Variants in DNAH5 observed in about 807,000 individuals in gnomAD.
DNAH5 encodes axonemal beta dynein heavy chain 5.
In DNAH5, 372 loss-of-function variants were observed where a neutral mutation model predicts 518.2. The ratio of observed to expected loss-of-function variants is 0.72; its 90% CI spans 0.66 to 0.78. The LOEUF (loss-of-function observed/expected upper bound fraction) is 0.78. Among genes scored for constraint, DNAH5 ranks in the 30% least tolerant of loss-of-function variants. The probability of loss-of-function intolerance (pLI) is 0.00; values close to 1 mark genes in which losing one functional copy is unlikely to be tolerated. For missense variants in DNAH5, 5,523 were observed against 5,687.0 expected, an observed-to-expected ratio of 0.97 and a Z score of 0.93; for synonymous variants, 2,039 against 2,025.9, an observed-to-expected ratio of 1.01 and a Z score of -0.17.
At chr5:13,771,573 C>A (rs573387425) in intron 55 of DNAH5, among the ~76,000 whole-genome samples, 1 of 152,264 alleles carries the variant, frequency 6.6e-6, no homozygotes, top group Non-Finnish European at 1.5e-5. Flanking sequence ...ACCTTCCCCA[C>A]ATTGCCAAAT....
At chr5:13,884,069 T>C (rs1772039301) in intron 19 of DNAH5, among the ~76,000 whole-genome samples, 1 of 152,174 alleles carries the variant, frequency 6.6e-6, no homozygotes, top group Admixed American at 6.5e-5. Flanking sequence ...TGACAGATTT[T>C]TGTGGCCCAC....
intron 77 of DNAH5, 61 bp downstream of exon 77, chr5:13,701,223 G>A: frequency 1.9e-6 from 3 of 1,604,530 alleles, no homozygotes; most frequent in South Asian, 1.1e-5. Context: ...AAACTATAAT[G>A]ATGGAAAATC....
At chr5:13,931,396 T>C in intron 1 of DNAH5, 152 bp from the exon 2 acceptor site, 1 of 756,332 alleles carries the variant, frequency 1.3e-6, no homozygotes. Flanking sequence ...CTATCTTCTA[T>C]TTTTAGAAAT....
intron 3 of DNAH5, among the ~76,000 whole-genome samples, chr5:13,927,608 C>T (rs1350342385): frequency 6.6e-6 from 1 of 151,990 alleles, no homozygotes; most frequent in African/African-American, 2.4e-5. Flanking sequence ...TTATTTAAAG[C>T]AGAGTCAGTA....
Position 13,691,779 on chromosome 5 carries a change from C to T in DNAH5, c.*205G>A, listed in dbSNP as rs1740721830. ...AATTTACTTTTATATCACTAAATAA[C>T]ATTTTCAACAAACTCAGACATTGGT... On this transcript the variant is annotated 3_prime_UTR_variant, in exon 79 of 79. Coordinates refer to ENST00000265104, the MANE Select transcript of DNAH5 (RefSeq NM_001369.3). 6 of 619,610 alleles carry T rather than the reference C, an allele frequency of 9.7e-6. No homozygotes were observed. The highest frequency in any genetic ancestry group is 1.7e-5 in the Non-Finnish European group (6 of 360,912). 38.4% of individuals were successfully genotyped at this position (619,610 alleles called of 1,614,324 possible). A position where few individuals can be genotyped will look rare whatever the true frequency, so the allele number is the denominator to read the frequency against.
chr5:13,906,334 G>A (rs1453645549), intron 12 of DNAH5, among the ~76,000 whole-genome samples: 1 of 152,038 alleles, frequency 6.6e-6, no homozygotes, highest in East Asian at 1.9e-4. Flanking sequence ...TTCATAATGG[G>A]GGAGGCTATG....
At chr5:13,728,212 G>A (rs1746015791) in intron 69 of DNAH5, among the ~76,000 whole-genome samples, 1 of 152,100 alleles carries the variant, frequency 6.6e-6, no homozygotes, top group Non-Finnish European at 1.5e-5. Context: ...TTAGGCAACT[G>A]GGAAAGAGTA....
chr5:13,977,198 A>G (rs1352066820), intron 1 of DNAH5, among the ~76,000 whole-genome samples: 1 of 152,146 alleles, frequency 6.6e-6, no homozygotes, highest in Non-Finnish European at 1.5e-5. Context: ...TGTAATCAAT[A>G]TTTCCAGCAT....
intron 64 of DNAH5, among the ~76,000 whole-genome samples, chr5:13,751,688 G>A (rs999808995): frequency 3.9e-5 from 6 of 152,112 alleles, no homozygotes; most frequent in Non-Finnish European, 7.4e-5. Flanking sequence ...CCCAAAAACC[G>A]GCTTGAGAGA....
intron 60 of DNAH5, 129 bp from the exon 61 acceptor site, chr5:13,759,112 C>A: frequency 8.1e-7 from 1 of 1,239,544 alleles, no homozygotes; most frequent in Non-Finnish European, 1.2e-6. Flanking sequence ...AGAATCCTTT[C>A]AAATCACATT....
At position 13,718,978 on chromosome 5, in the gene DNAH5, G is replaced by A. The variant is rs1420356971; in HGVS notation, c.12403C>T (p.His4135Tyr). The change falls in exon 72 of 79, where the codon CAT (histidine) becomes TAT (tyrosine). Residue 4135 changes from histidine to tyrosine, a missense_variant. His to Tyr is a moderately conservative substitution (Grantham distance 83). Transcript: ENST00000265104. The part of the protein sequence containing the change: ...AFRLWMTTEA[H>Y]KQFPITLLQM... ...AGGAGTGTAATGGGAAACTGCTTATGAGCCTCGGTGGTCATCCAGAGGCGG... is the reference window on the plus strand; with the variant it reads ...AGGAGTGTAATGGGAAACTGCTTATAAGCCTCGGTGGTCATCCAGAGGCGG... The A allele has an allele frequency of 1.9e-6, 3 of 1,614,080 alleles. No individual in the cohort carries two copies. Among genetic ancestry groups the A allele is most frequent in the Non-Finnish European group, 2.5e-6 (3 of 1,180,004 alleles).
chr5:13,944,292 T>C (rs533585235), intron 1 of DNAH5, 90 bp downstream of exon 1: 2 of 1,294,296 alleles, frequency 1.5e-6, no homozygotes, highest in East Asian at 2.3e-5. Flanking sequence ...TGTGTGACTT[T>C]GAACCTTTTT....
intron 3 of DNAH5, among the ~76,000 whole-genome samples, chr5:13,925,010 G>A (rs1777717362): frequency 6.6e-6 from 1 of 152,184 alleles, no homozygotes; most frequent in South Asian, 2.1e-4. Flanking sequence ...TGGACCAGAA[G>A]TTGAATCCTA....
rs755113058 is a variant in DNAH5, at chr5:13,823,369, A to G, written c.6581T>C (p.Ile2194Thr). Residue 2194 changes from isoleucine to threonine, a missense_variant and splice_region_variant, in exon 40 of 79, where the codon ATT becomes ACT. Physicochemically the swap from Ile to Thr is moderately conservative, Grantham distance 89. Coordinates refer to ENST00000265104, the MANE Select transcript of DNAH5 (RefSeq NM_001369.3). ...CAAAAACAAGGGTTCATCCTCATCA[A>G]TCTAAAAAAAGAAAATGGGAAATCA... ...VLRDMNLSKL[I>T]DEDEPLFLSL... The G allele has an allele frequency of 1.2e-6, 2 of 1,603,646 alleles. No individual in the cohort carries two copies. Among genetic ancestry groups the G allele is most frequent in the Non-Finnish European group, 1.7e-6 (2 of 1,170,568 alleles).
In DNAH5 at chr5:13,780,902, A is replaced by G; in HGVS notation, c.8878T>C (p.Ser2960Pro). 6.2e-7 allele frequency: 1 copy of G among 1,613,800 alleles called. No individual in the cohort carries two copies. The highest frequency in any genetic ancestry group is 8.5e-7 in the Non-Finnish European group (1 of 1,179,798). ...AACCTCGTCAGGCTCTGCTTTCCTG[A>G]TCCGCCCACCCCGACCAGGAGGGCA... is the stretch of plus-strand genomic sequence containing the variant. ...GNALLVGVGG[S>P]GKQSLTRLAS... Residue 2960 changes from serine (S) to proline (P), a missense_variant, in exon 53 of 79, where the codon TCA becomes CCA. This residue lies in a region of DNAH5 where 5,121 missense variants were observed against 5,223.3 expected (regional missense o/e 0.98). Coordinates refer to ENST00000265104, the MANE Select transcript of DNAH5 (RefSeq NM_001369.3).
intron 58 of DNAH5, among the ~76,000 whole-genome samples, chr5:13,768,717 T>C (rs1752870182): frequency 6.6e-6 from 1 of 152,196 alleles, no homozygotes; most frequent in African/African-American, 2.4e-5. Flanking sequence ...CCCAGGACTC[T>C]TGGCCACCAG....
rs185917516 is a variant in DNAH5 at position 13,796,535 on chromosome 5, G to A, written c.7888-2477C>T. On this transcript the variant is annotated intron_variant, in intron 47 of 78. Transcript: ENST00000265104. ...TTCAAGGAGAACTACAAACCACTGC[G>A]CCACGAAATAAAAGAGGACACGAAA... Among the ~76,000 whole-genome samples the A allele has an allele frequency of 4.6e-4, 70 of 151,916 alleles. 1 individual carries two copies. The highest frequency in any genetic ancestry group is 1.1e-3 in the African/African-American group (44 of 41,456).
intron 76 of DNAH5, among the ~76,000 whole-genome samples, chr5:13,705,500 A>G (rs1742669673): frequency 6.6e-6 from 1 of 152,186 alleles, no homozygotes; most frequent in South Asian, 2.1e-4. Context: ...TAAGTCTTTA[A>G]CAGTTTTTGT....
At chr5:13,908,289 T>C (rs1411674413) in intron 12 of DNAH5, among the ~76,000 whole-genome samples, 1 of 151,980 alleles carries the variant, frequency 6.6e-6, no homozygotes, top group Non-Finnish European at 1.5e-5. Flanking sequence ...CCTACCTAAA[T>C]AAACATCTAC....
Sources: allele counts gnomAD v4.1 joint callset (sites outside exome capture counted in the v4.1 genomes callset), GRCh38; gene constraint gnomAD v4.1.1; regional missense constraint gnomAD v4.1.1; transcripts MANE v1.5; gene names NCBI Gene and HGNC (gene_info 2026-07-23, HGNC 2026-07-21).